The following CACNA1B variants were observed in gnomAD, a reference collection of about 807,000 sequenced individuals.
CACNA1B encodes the protein voltage-dependent N-type calcium channel subunit alpha-1B.
CACNA1B carries 70 observed loss-of-function variants against 247.2 expected under a neutral mutation model. That is an observed-to-expected ratio of 0.28 (90% CI 0.23 to 0.35). The LOEUF (loss-of-function observed/expected upper bound fraction) is 0.35. CACNA1B is among the 10% of genes least tolerant of loss of function. The pLI is 1.00. For missense variants in CACNA1B, 2,367 were observed against 3,197.4 expected (o/e 0.74, Z 6.26); for synonymous variants, 1,231 against 1,294.4 (o/e 0.95, Z 1.05).
chr9:138,052,014 C>T lies in CACNA1B; in HGVS notation c.3711-78C>T. On this transcript the variant is annotated intron_variant, in intron 24 of 46. Coordinates refer to ENST00000371372, the MANE Select transcript of CACNA1B (RefSeq NM_000718.4). The surrounding 1 kb of genome is among the most constrained non-coding windows in gnomAD (Gnocchi z 5.1). ...ACAAAATGCACAGGGGAGCAGGACT[C>T]AGACCCTGGGGGGCCACGTGGGAGC... 1.2e-6 allele frequency: 1 copy of T among 803,118 alleles called. No homozygotes were observed. Among genetic ancestry groups the T allele is most frequent in the East Asian group, 2.6e-5 (1 of 38,138 alleles). 49.7% of individuals were successfully genotyped at this position (803,118 alleles called of 1,614,324 possible).
chr9:138,051,849 C>A lies in CACNA1B; in HGVS notation c.3711-243C>A, dbSNP rs1959293014. On this transcript the variant is annotated intron_variant, in intron 24 of 46. Transcript: ENST00000371372. This position sits in a 1 kb window ranked among gnomAD's most constrained non-coding sequence, Gnocchi z 4.3. The stretch of plus-strand genomic sequence containing the variant: ...GGGTGATGGTTCTTCTCCTTGTGCA[C>A]CAGATGCTGCTGCCCTAGCCCCAGC... Among the ~76,000 whole-genome samples the A allele has an allele frequency of 6.6e-6, 1 of 152,118 alleles. No homozygotes were observed. The highest frequency in any genetic ancestry group is 2.4e-5 in the African/African-American group (1 of 41,410).
intron 38 of CACNA1B, 83 bp from the exon 39 acceptor site, chr9:138,105,616 T>C (rs1241979387): frequency 6.6e-6 from 5 of 760,956 alleles, no homozygotes; most frequent in African/African-American, 1.7e-5. Flanking sequence ...CAGCCCAGCA[T>C]CCAGGGACCC....
chr9:138,055,143 T>C (rs1448341700), intron 26 of CACNA1B, among the ~76,000 whole-genome samples: 1 of 151,820 alleles, frequency 6.6e-6, no homozygotes, highest in Non-Finnish European at 1.5e-5. Context: ...TTTTTTTTTT[T>C]TGAGACAGGA....
At position 138,052,658 on chromosome 9, in the gene CACNA1B, G is replaced by A. The variant is rs1184644294; in HGVS notation, c.3807+470G>A. Among the ~76,000 whole-genome samples, 1 of 152,216 alleles carries A rather than the reference G, an allele frequency of 6.6e-6. No homozygotes were observed. The highest frequency in any genetic ancestry group is 2.4e-5 in the African/African-American group (1 of 41,470). Reference sequence around the variant, plus strand: ...TGTGCGAATTGCTTCATGTGCTTCAGCTCACTTAATCTCCCAAACCTTTAT... The same window carrying A: ...TGTGCGAATTGCTTCATGTGCTTCAACTCACTTAATCTCCCAAACCTTTAT... On this transcript the variant is annotated intron_variant, in intron 25 of 46. Transcript: ENST00000371372. This position sits in a 1 kb window ranked among gnomAD's most constrained non-coding sequence, Gnocchi z 5.1.
At position 138,058,121 on chromosome 9, in the gene CACNA1B, C is replaced by T. The variant is rs201346263; in HGVS notation, c.4179C>T (p.Ser1393=). 6.3e-5 allele frequency: 101 copies of T among 1,613,758 alleles called. No homozygotes were observed. Among genetic ancestry groups the T allele is most frequent in the Non-Finnish European group, 8.4e-5 (99 of 1,179,734 alleles). The change falls in exon 28 of 47, where the codon TCC becomes TCT. Residue 1393 remains serine (S), a synonymous_variant. Coordinates refer to ENST00000371372, the MANE Select transcript of CACNA1B (RefSeq NM_000718.4). The surrounding 1 kb of genome is among the most constrained non-coding windows in gnomAD (Gnocchi z 4.7). ...GCCCTGGGTACCGCATGGAGCTGTC[C>T]ATCTTCTACGTGGTCTACTTTGTGG... The part of the protein sequence containing the change: ...GPSPGYRMEL[S]IFYVVYFVVF...
Position 137,971,311 on chromosome 9 carries a change from G to C in CACNA1B, c.1334-72G>C, listed in dbSNP as rs999701075. The C allele has an allele frequency of 1.1e-5, 12 of 1,116,050 alleles. No homozygotes were observed. The highest frequency in any genetic ancestry group is 2.0e-5 in the Admixed American group (1 of 50,096). 69.1% of individuals were successfully genotyped at this position (1,116,050 alleles called of 1,614,324 possible). Reference sequence around the variant, plus strand: ...GGCAGGTGTCCTCCAGAGTGCGTCTGTGGGGGTCCACAGGTGGGGTAGGCG... The same window carrying C: ...GGCAGGTGTCCTCCAGAGTGCGTCTCTGGGGGTCCACAGGTGGGGTAGGCG... On this transcript the variant is annotated intron_variant, in intron 10 of 46. Transcript: ENST00000371372. The surrounding 1 kb of genome is among the most constrained non-coding windows in gnomAD (Gnocchi z 4.4).
At chr9:137,978,921 G>A (rs1958260969) in intron 12 of CACNA1B, among the ~76,000 whole-genome samples, 1 of 152,154 alleles carries the variant, frequency 6.6e-6, no homozygotes, top group South Asian at 2.1e-4. Flanking sequence ...TCTGAGACAT[G>A]GAGACCTGTG....
At chr9:138,104,821 C>T (rs1239097573) in intron 38 of CACNA1B, among the ~76,000 whole-genome samples, 1 of 152,264 alleles carries the variant, frequency 6.6e-6, no homozygotes, top group Non-Finnish European at 1.5e-5. Flanking sequence ...ATATTCCAGG[C>T]ACACTTGAGA....
intron 31 of CACNA1B, among the ~76,000 whole-genome samples, chr9:138,064,466 T>C (rs1466907443): frequency 2.0e-5 from 3 of 152,368 alleles, no homozygotes; most frequent in East Asian, 1.9e-4. Flanking sequence ...GTGGCTGTTA[T>C]CAGCCTTCTG....
intron 10 of CACNA1B, among the ~76,000 whole-genome samples, chr9:137,967,465 C>T (rs566804563): frequency 6.6e-6 from 1 of 152,296 alleles, no homozygotes; most frequent in Admixed American, 6.5e-5. Context: ...TCTCAGAGCC[C>T]TAACCTCAGT....
Position 138,090,701 on chromosome 9 carries a change from CAAAAAAAAAAAAAAAAAA to C in CACNA1B, c.5095-5767_5095-5750del, listed in dbSNP as rs1173964720. ...TACAAGGTGAAACTCAACCCATCAG[CAAAAAAAAAAAAAAAAAA>C]AAAAAAAAAAAAAAATCAGATTAAT... On this transcript the variant is annotated intron_variant, in intron 36 of 46. Transcript: ENST00000371372. 9.0e-4 allele frequency among the ~76,000 whole-genome samples: 15 copies of C among 16,594 alleles called. No individual in the cohort carries two copies. The East Asian group carries it at 0.044, about 49-fold the overall frequency. The allele number at this position is 16,594 out of a possible 152,430, so 10.9% of individuals were successfully genotyped here.
In CACNA1B at chr9:138,020,259, C is replaced by T. The variant is rs1958827861; in HGVS notation, c.2268-2752C>T. On this transcript the variant is annotated intron_variant, in intron 18 of 46. Coordinates refer to ENST00000371372, the MANE Select transcript of CACNA1B (RefSeq NM_000718.4). This position sits in a 1 kb window ranked among gnomAD's most constrained non-coding sequence, Gnocchi z 4.1. ...TTCCAAGTCCTGTAGTTCCCCACAG[C>T]ACCCAGCTGAGCATGGCTGAGCCCT... Among the ~76,000 whole-genome samples, 1 of 152,204 alleles carries T rather than the reference C, an allele frequency of 6.6e-6. No homozygotes were observed. The highest frequency in any genetic ancestry group is 2.1e-4 in the South Asian group (1 of 4,830).
At chr9:138,078,351 A>T in intron 36 of CACNA1B, 93 bp downstream of exon 36, 1 of 1,275,974 alleles carries the variant, frequency 7.8e-7, no homozygotes, top group Non-Finnish European at 1.1e-6. Flanking sequence ...CCTGACTCTG[A>T]TCCAGGCCAT....
intron 36 of CACNA1B, among the ~76,000 whole-genome samples, chr9:138,091,712 A>C (rs1337617427): frequency 2.0e-5 from 3 of 152,226 alleles, no homozygotes; most frequent in African/African-American, 7.2e-5. Flanking sequence ...TAATGAAAGC[A>C]AAACAAAAAT....
At chr9:138,084,102 CT>C (rs1960616438) in intron 36 of CACNA1B, among the ~76,000 whole-genome samples, 1 of 151,106 alleles carries the variant, frequency 6.6e-6, no homozygotes, top group Non-Finnish European at 1.5e-5. Flanking sequence ...ATCTCGCCCC[CT>C]GGGCCTGAGC....
Position 138,052,303 on chromosome 9 carries a change from C to A in CACNA1B, c.3807+115C>A, listed in dbSNP as rs889999731. 17 of 642,212 alleles carry A rather than the reference C, an allele frequency of 2.6e-5. No homozygotes were observed. Among genetic ancestry groups the A allele is most frequent in the Admixed American group, 1.4e-4 (6 of 43,980 alleles). 39.8% of individuals were successfully genotyped at this position (642,212 alleles called of 1,614,324 possible). ...TGAGTGTGTGTGTGTTCACATCACA[C>A]CCCTGTGTGAGGGGGTTGGGCTCAC... On this transcript the variant is annotated intron_variant, in intron 25 of 46. Transcript: ENST00000371372. This position sits in a 1 kb window ranked among gnomAD's most constrained non-coding sequence, Gnocchi z 5.1.
chr9:137,922,239 G>A (rs1322140015), intron 6 of CACNA1B, among the ~76,000 whole-genome samples: 2 of 148,300 alleles, frequency 1.3e-5, no homozygotes, highest in African/African-American at 5.1e-5. Flanking sequence ...AAGCATCCTG[G>A]GAGCAGAGTA....
At chr9:138,113,984 G>A (rs1189767654) in intron 40 of CACNA1B, among the ~76,000 whole-genome samples, 4 of 149,110 alleles carry the variant, frequency 2.7e-5, no homozygotes, top group African/African-American at 9.9e-5. Flanking sequence ...TGTGGGAGAC[G>A]TGAGGGAGCG....
At chr9:137,978,529 T>C (rs1317506407) in intron 12 of CACNA1B, among the ~76,000 whole-genome samples, 2 of 151,672 alleles carry the variant, frequency 1.3e-5, no homozygotes, top group Non-Finnish European at 2.9e-5. Context: ...CACTGCCTCC[T>C]CAGGAAGGAG....
Sources: gnomAD v4.1 joint callset for allele counts (sites outside exome capture counted in the v4.1 genomes callset) on GRCh38, gnomAD v4.1.1 for gene constraint, Gnocchi (gnomAD v3.1) non-coding constraint, MANE v1.5 for transcripts, NCBI Gene and HGNC (gene_info 2026-07-23, HGNC 2026-07-21) for gene names.